Variants in CHD9NB observed in about 807,000 individuals in gnomAD.
The protein encoded by CHD9NB is CHD9 neighbor protein.
the CHD9NB span, among the ~76,000 whole-genome samples, chr16:53,044,878 G>T: frequency 1.6e-4 from 25 of 152,304 alleles, no homozygotes; most frequent in African/African-American, 6.0e-4. Flanking sequence ...GCAAATAGGA[G>T]AGCTGGGATT....
At chr16:53,040,797 G>A in the CHD9NB span, among the ~76,000 whole-genome samples, 26 of 152,334 alleles carry the variant, frequency 1.7e-4, no homozygotes, top group South Asian at 5.2e-3. Flanking sequence ...ATTGCCTCAT[G>A]TAACTAAAAA....
the CHD9NB span, among the ~76,000 whole-genome samples, chr16:53,037,902 G>C: frequency 6.6e-6 from 1 of 152,144 alleles, no homozygotes; most frequent in Non-Finnish European, 1.5e-5. Flanking sequence ...AGAACCAACA[G>C]AATATATCGA....
the CHD9NB span, among the ~76,000 whole-genome samples, chr16:53,038,530 T>C: frequency 2.0e-5 from 3 of 152,190 alleles, no homozygotes; most frequent in African/African-American, 7.2e-5. Flanking sequence ...TTTGTATTTT[T>C]AGTAGAGACG....
At chr16:53,050,507 CA>C in the CHD9NB span, among the ~76,000 whole-genome samples, 2 of 151,418 alleles carry the variant, frequency 1.3e-5, no homozygotes, top group South Asian at 4.2e-4. Flanking sequence ...GACCCCGTCT[CA>C]AAAAAAATAA....
the CHD9NB span, among the ~76,000 whole-genome samples, chr16:53,037,133 A>T: frequency 1.3e-5 from 2 of 152,102 alleles, no homozygotes; most frequent in East Asian, 3.9e-4. Context: ...ATGGGGTTTC[A>T]CCATGTTGGC....
chr16:53,044,183 T>C, the CHD9NB span: 2 of 398,576 alleles, frequency 5.0e-6, no homozygotes, highest in Non-Finnish European at 8.8e-6. Flanking sequence ...GAGGATCCAG[T>C]GCCCTTGGAT....
chr16:53,040,345 A>G, the CHD9NB span, among the ~76,000 whole-genome samples: 1 of 151,950 alleles, frequency 6.6e-6, no homozygotes, highest in African/African-American at 2.4e-5. Flanking sequence ...AAGTGCTGGG[A>G]TTACAGGTGT....
At chr16:53,049,863 A>G in the CHD9NB span, among the ~76,000 whole-genome samples, 1 of 152,160 alleles carries the variant, frequency 6.6e-6, no homozygotes, top group African/African-American at 2.4e-5. Flanking sequence ...CAAGTTGCTT[A>G]ACATTTTTGA....
At chr16:53,051,768 A>AATATATATATATATATATATATAT in the CHD9NB span, among the ~76,000 whole-genome samples, 1 of 104,644 alleles carries the variant, frequency 9.6e-6, no homozygotes, top group Non-Finnish European at 1.7e-5. Context: ...TAAAAGTATA[A>AATATATATATATATATATATATAT]ATATATATAT....
chr16:53,040,489 G>A, the CHD9NB span, among the ~76,000 whole-genome samples: 3 of 152,106 alleles, frequency 2.0e-5, no homozygotes, highest in Admixed American at 1.3e-4. Context: ...CCAACTCCAG[G>A]TCATACATTC....
the CHD9NB span, among the ~76,000 whole-genome samples, chr16:53,041,060 A>T: frequency 6.6e-6 from 1 of 152,136 alleles, no homozygotes; most frequent in Admixed American, 6.5e-5. Flanking sequence ...TGAAGAACAG[A>T]TGGGTGGGTG....
chr16:53,046,555 C>T, the CHD9NB span, among the ~76,000 whole-genome samples: 12 of 151,484 alleles, frequency 7.9e-5, no homozygotes, highest in Non-Finnish European at 1.3e-4. Flanking sequence ...CGTGGTGGGG[C>T]ATGCCTGTAG....
At chr16:53,048,279 G>C in the CHD9NB span, among the ~76,000 whole-genome samples, 1 of 151,978 alleles carries the variant, frequency 6.6e-6, no homozygotes, top group Non-Finnish European at 1.5e-5. Flanking sequence ...GGTGGCATGT[G>C]CCTGCAGTCC....
the CHD9NB span, among the ~76,000 whole-genome samples, chr16:53,046,982 C>T: frequency 3.9e-5 from 6 of 152,068 alleles, no homozygotes; most frequent in African/African-American, 1.5e-4. Context: ...GGGTACACAG[C>T]CCTAGGAATA....
At chr16:53,044,108 C>T in the CHD9NB span, 1 of 398,706 alleles carries the variant, frequency 2.5e-6, no homozygotes, top group African/African-American at 2.1e-5. Context: ...CTTCTTCAAG[C>T]TTCTGGGACT....
the CHD9NB span, among the ~76,000 whole-genome samples, chr16:53,036,173 CACTA>C: frequency 6.6e-6 from 1 of 152,198 alleles, no homozygotes; most frequent in Non-Finnish European, 1.5e-5. Context: ...CCTATTCTGC[CACTA>C]ACTAGCTATG....
chr16:53,048,245 A>G, the CHD9NB span, among the ~76,000 whole-genome samples: 56 of 152,132 alleles, frequency 3.7e-4, no homozygotes, highest in South Asian at 9.9e-3. Context: ...CTCTACAAAA[A>G]ACAGACAAAA....
the CHD9NB span, among the ~76,000 whole-genome samples, chr16:53,046,340 T>C: frequency 6.6e-6 from 1 of 151,922 alleles, no homozygotes; most frequent in South Asian, 2.1e-4. Flanking sequence ...GCAAGGTCCA[T>C]GGGATTAGGT....
the CHD9NB span, among the ~76,000 whole-genome samples, chr16:53,047,551 G>C: frequency 6.6e-6 from 1 of 152,182 alleles, no homozygotes; most frequent in South Asian, 2.1e-4. Context: ...CTTTTGGAAA[G>C]AGAAAGCTCT....
Sources: gnomAD v4.1 joint callset for allele counts (sites outside exome capture counted in the v4.1 genomes callset) on GRCh38, gnomAD v4.1.1 for gene constraint, MANE v1.5 for transcripts, NCBI Gene and HGNC (gene_info 2026-07-23, HGNC 2026-07-21) for gene names.